Variants in MAPKAP1 observed in about 807,000 individuals in gnomAD.
The protein encoded by MAPKAP1 is MAPK associated protein 1, also known as target of rapamycin complex 2 subunit MAPKAP1.
A neutral mutation model predicts 65.7 loss-of-function variants in MAPKAP1; 20 were observed. The ratio of observed to expected loss-of-function variants is 0.30; its 90% CI spans 0.21 to 0.44. The LOEUF (loss-of-function observed/expected upper bound fraction) is 0.44, where lower values mean the gene tolerates loss of function less well. MAPKAP1 is among the 20% of genes least tolerant of loss of function. MAPKAP1 has a pLI of 1.00. For synonymous variants in MAPKAP1, 222 were observed against 244.3 expected (o/e 0.91, Z 0.85); for missense variants, 423 against 648.0 (o/e 0.65, Z 3.77).
intron 1 of MAPKAP1, among the ~76,000 whole-genome samples, chr9:125,684,187 C>G (rs1189874098): frequency 6.6e-6 from 1 of 152,132 alleles, no homozygotes; most frequent in Non-Finnish European, 1.5e-5. Flanking sequence ...AATCTCTCCC[C>G]AAATCATTTG....
chr9:125,525,804 C>T (rs1479835360), intron 7 of MAPKAP1, among the ~76,000 whole-genome samples: 1 of 151,750 alleles, frequency 6.6e-6, no homozygotes, highest in African/African-American at 2.4e-5. Context: ...AGGCTATCAA[C>T]CAGAAGACTA....
At chr9:125,656,934 T>C (rs918652446) in intron 4 of MAPKAP1, among the ~76,000 whole-genome samples, 2 of 152,132 alleles carry the variant, frequency 1.3e-5, no homozygotes, top group African/African-American at 4.8e-5. Context: ...ACAAACACAC[T>C]TTAATTTCAT....
intron 7 of MAPKAP1, among the ~76,000 whole-genome samples, chr9:125,536,380 C>A (rs1589266314): frequency 6.6e-6 from 1 of 152,176 alleles, no homozygotes; most frequent in Non-Finnish European, 1.5e-5. Flanking sequence ...CTGAGTCACA[C>A]ATTTAAACAC....
At chr9:125,515,336 C>T (rs1233055704) in intron 7 of MAPKAP1, among the ~76,000 whole-genome samples, 1 of 152,136 alleles carries the variant, frequency 6.6e-6, no homozygotes, top group Non-Finnish European at 1.5e-5. Flanking sequence ...AAAACTTATC[C>T]TTTCAGTCAA....
intron 8 of MAPKAP1, among the ~76,000 whole-genome samples, chr9:125,501,664 C>A (rs1303953621): frequency 2.0e-5 from 3 of 147,826 alleles, no homozygotes; most frequent in African/African-American, 7.4e-5. Flanking sequence ...AGGAAGGTTC[C>A]TAATTACTAA....
At chr9:125,652,696 C>A (rs1655598879) in intron 4 of MAPKAP1, among the ~76,000 whole-genome samples, 1 of 152,102 alleles carries the variant, frequency 6.6e-6, no homozygotes, top group Admixed American at 6.6e-5. Flanking sequence ...GGATATTTAA[C>A]ATTTTAGAAA....
intron 1 of MAPKAP1, among the ~76,000 whole-genome samples, chr9:125,689,290 AGCCGGGCGTGGTG>A (rs1835085912): frequency 6.6e-6 from 1 of 151,972 alleles, no homozygotes. Flanking sequence ...ACAAAAAATT[AGCCGGGCGTGGTG>A]GCGGGCGCCT....
At position 125,705,061 on chromosome 9, in the gene MAPKAP1, C is replaced by T. The variant is rs201396688; in HGVS notation, c.-70+1910G>A. Among the ~76,000 whole-genome samples, 225 of 152,308 alleles carry T rather than the reference C, an allele frequency of 1.5e-3. 1 individual carries two copies. The highest frequency in any genetic ancestry group is 4.3e-3 in the South Asian group (21 of 4,830). Reference sequence around the variant, plus strand: ...TCATATTCAAAGCTGAGCTAACTAACCTACCTGCCATCTCCTTGCCTTGGA... The same window carrying T: ...TCATATTCAAAGCTGAGCTAACTAATCTACCTGCCATCTCCTTGCCTTGGA... On this transcript the variant is annotated intron_variant, in intron 1 of 11. Transcript: ENST00000265960.
intron 9 of MAPKAP1, among the ~76,000 whole-genome samples, chr9:125,482,671 T>C (rs999186302): frequency 1.3e-5 from 2 of 152,224 alleles, no homozygotes; most frequent in Admixed American, 6.5e-5. Flanking sequence ...AATGTCGTTT[T>C]GTTATAATGT....
chr9:125,642,935 T>G (rs575951858), intron 4 of MAPKAP1, among the ~76,000 whole-genome samples: 1 of 152,264 alleles, frequency 6.6e-6, no homozygotes, highest in African/African-American at 2.4e-5. Context: ...AGTCTCGATC[T>G]GTCACCCAGG....
intron 7 of MAPKAP1, among the ~76,000 whole-genome samples, chr9:125,539,142 T>C (rs1007995191): frequency 1.3e-5 from 2 of 152,250 alleles, no homozygotes; most frequent in African/African-American, 2.4e-5. Context: ...GGAGTCCACT[T>C]GACAAAGCTA....
intron 7 of MAPKAP1, among the ~76,000 whole-genome samples, chr9:125,537,814 T>C (rs1830115728): frequency 6.6e-6 from 1 of 152,168 alleles, no homozygotes; most frequent in African/African-American, 2.4e-5. Flanking sequence ...AATTCATCTG[T>C]ATACAACTTT....
intron 1 of MAPKAP1, among the ~76,000 whole-genome samples, chr9:125,681,041 G>A (rs1299825053): frequency 6.6e-6 from 1 of 152,206 alleles, no homozygotes; most frequent in Admixed American, 6.5e-5. Context: ...AGCCACTTCA[G>A]GAGGTAGGCA....
chr9:125,521,790 A>C, intron 7 of MAPKAP1: 1 of 1,608,818 alleles, frequency 6.2e-7, no homozygotes, highest in Non-Finnish European at 8.5e-7. Context: ...CAGAAGAAAC[A>C]AAAATGAGAC....
chr9:125,653,848 G>A (rs1833958832), intron 4 of MAPKAP1, among the ~76,000 whole-genome samples: 2 of 152,192 alleles, frequency 1.3e-5, no homozygotes, highest in African/African-American at 2.4e-5. Context: ...CCTTTCAGAG[G>A]TGAAAAAACT....
At chr9:125,698,293 ATATATATATAT>A (rs1835468173) in intron 1 of MAPKAP1, among the ~76,000 whole-genome samples, 1 of 3,838 alleles carries the variant, frequency 2.6e-4, no homozygotes, top group Non-Finnish European at 5.6e-4. Context: ...ATATAAATAT[ATATATATATAT>A]ATATATATAT....
At chr9:125,553,880 T>C (rs544013961) in intron 6 of MAPKAP1, among the ~76,000 whole-genome samples, 3 of 151,476 alleles carry the variant, frequency 2.0e-5, no homozygotes. Flanking sequence ...CTACAAAAAA[T>C]ACAAAAAGTA....
chr9:125,629,054 A>AAC (rs71374284), intron 4 of MAPKAP1, among the ~76,000 whole-genome samples: 4,369 of 147,430 alleles, frequency 0.03, 58 homozygotes, highest in Middle Eastern at 0.049. Flanking sequence ...TCACTGTCAA[A>AAC]ACACACACAC....
At chr9:125,509,348 G>A (rs150419852) in intron 7 of MAPKAP1, among the ~76,000 whole-genome samples, 48 of 152,302 alleles carry the variant, frequency 3.2e-4, no homozygotes, top group Non-Finnish European at 5.9e-4. Flanking sequence ...AATGTGAATA[G>A]TAGTTATAAT....
Sources: gnomAD v4.1 joint callset for allele counts (sites outside exome capture counted in the v4.1 genomes callset) on GRCh38, gnomAD v4.1.1 for gene constraint, MANE v1.5 for transcripts, NCBI Gene and HGNC (gene_info 2026-07-23, HGNC 2026-07-21) for gene names.